The following IQCH variants were observed in gnomAD, a reference collection of about 807,000 sequenced individuals.
IQCH encodes IQ domain-containing protein H.
In IQCH, 98 loss-of-function variants were observed where a neutral mutation model predicts 117.0. The observed-to-expected ratio is 0.84, with a 90% CI of 0.71 to 0.99. The LOEUF (loss-of-function observed/expected upper bound fraction) is 0.99, where lower values mean the gene tolerates loss of function less well. Among genes scored for constraint, IQCH ranks in the 50% least tolerant of loss-of-function variants. IQCH has a pLI of 0.00. For synonymous variants in IQCH, 412 were observed against 448.2 expected, an observed-to-expected ratio of 0.92 and a Z score of 1.02; for missense variants, 1,102 against 1,243.8, an observed-to-expected ratio of 0.89 and a Z score of 1.72.
chr15:67,311,514 T>A (rs1165813609), intron 4 of IQCH, among the ~76,000 whole-genome samples: 2 of 149,498 alleles, frequency 1.3e-5, no homozygotes, highest in East Asian at 3.9e-4. Flanking sequence ...GTTTCCAGTG[T>A]TGGTTTATAT....
intron 4 of IQCH, among the ~76,000 whole-genome samples, chr15:67,298,018 G>A (rs1966867798): frequency 6.6e-6 from 1 of 151,962 alleles, no homozygotes. Flanking sequence ...TTTTAAAATG[G>A]GCAAAAGAGG....
intron 4 of IQCH, among the ~76,000 whole-genome samples, chr15:67,326,074 G>A (rs1429604265): frequency 1.3e-5 from 2 of 152,068 alleles, no homozygotes; most frequent in African/African-American, 2.4e-5. Context: ...CCATTAACTC[G>A]TCATTTACAT....
In IQCH at chr15:67,364,115, T is replaced by A. The variant is rs1970248244; in HGVS notation, c.753+4230T>A. ...GTCGAGTGGTAATTCTGTTTTAAGTTCTTTGAGAAGTCACTAAACTGCTTT... is the reference window on the plus strand; with the variant it reads ...GTCGAGTGGTAATTCTGTTTTAAGTACTTTGAGAAGTCACTAAACTGCTTT... On this transcript the variant is annotated intron_variant, in intron 8 of 20. Transcript: ENST00000335894. This position sits in a 1 kb window ranked among gnomAD's most constrained non-coding sequence, Gnocchi z 4.1. Among the ~76,000 whole-genome samples, 1 of 152,228 alleles carries A rather than the reference T, an allele frequency of 6.6e-6. No individual in the cohort carries two copies. Among genetic ancestry groups the A allele is most frequent in the Non-Finnish European group, 1.5e-5 (1 of 68,032 alleles).
chr15:67,486,363 T>C (rs1444601736), intron 18 of IQCH, among the ~76,000 whole-genome samples: 2 of 151,990 alleles, frequency 1.3e-5, no homozygotes, highest in Non-Finnish European at 2.9e-5. Context: ...CTATGAAAGC[T>C]AGAAGACAAT....
intron 16 of IQCH, among the ~76,000 whole-genome samples, chr15:67,446,096 T>C (rs1398396807): frequency 2.0e-5 from 3 of 152,196 alleles, no homozygotes; most frequent in Non-Finnish European, 4.4e-5. Flanking sequence ...CTCAAAGAAA[T>C]GGCACTGTGA....
intron 14 of IQCH, among the ~76,000 whole-genome samples, chr15:67,409,513 C>T (rs1596323725): frequency 6.6e-6 from 1 of 152,148 alleles, no homozygotes; most frequent in Non-Finnish European, 1.5e-5. Context: ...AAACGCTTCT[C>T]GAGTCAAATC....
chr15:67,386,567 T>C lies in IQCH; in HGVS notation c.1456+1548T>C, dbSNP rs1343225240. On this transcript the variant is annotated intron_variant, in intron 11 of 20. Transcript: ENST00000335894. This position sits in a 1 kb window ranked among gnomAD's most constrained non-coding sequence, Gnocchi z 5.0. ...GAAAATAGAAAAATAAGTAATAATT[T>C]TATGGAAGAATACATTATTATCCCC... 6.6e-6 allele frequency among the ~76,000 whole-genome samples: 1 copy of C among 152,178 alleles called. No homozygotes were observed. Among genetic ancestry groups the C allele is most frequent in the African/African-American group, 2.4e-5 (1 of 41,458 alleles).
intron 3 of IQCH, among the ~76,000 whole-genome samples, chr15:67,267,216 A>G (rs1355105143): frequency 6.6e-6 from 1 of 152,200 alleles, no homozygotes; most frequent in Non-Finnish European, 1.5e-5. Flanking sequence ...AGAAGTTCTT[A>G]TACTTTCCTC....
chr15:67,461,559 G>C (rs1303888372), intron 16 of IQCH, among the ~76,000 whole-genome samples: 3 of 152,236 alleles, frequency 2.0e-5, no homozygotes, highest in Non-Finnish European at 4.4e-5. Context: ...ATGGAGAACA[G>C]AACAATTATC....
chr15:67,495,838 C>T (rs905120025), intron 20 of IQCH, among the ~76,000 whole-genome samples: 1 of 152,120 alleles, frequency 6.6e-6, no homozygotes, highest in East Asian at 1.9e-4. Context: ...TTGATTTTTA[C>T]TCATGTTAGG....
chr15:67,278,608 T>A (rs1966224921), intron 3 of IQCH, among the ~76,000 whole-genome samples: 1 of 152,204 alleles, frequency 6.6e-6, no homozygotes, highest in Admixed American at 6.5e-5. Context: ...TTCATTTAGC[T>A]TTTTTCTTGT....
At chr15:67,361,289 ACT>A (rs749035872) in intron 8 of IQCH, among the ~76,000 whole-genome samples, 25 of 152,210 alleles carry the variant, frequency 1.6e-4, no homozygotes, top group South Asian at 2.1e-4. Flanking sequence ...GCTAACATAT[ACT>A]GAGTGCTTAC....
chr15:67,254,975 C>G (rs906877522), intron 1 of IQCH, 28 bp downstream of exon 1: 8 of 1,603,894 alleles, frequency 5.0e-6, no homozygotes, highest in Non-Finnish European at 6.8e-6. Flanking sequence ...CCCGGCCCTG[C>G]CCTGCCCAGC....
chr15:67,495,247 G>A (rs906436323), intron 20 of IQCH, among the ~76,000 whole-genome samples: 4 of 151,990 alleles, frequency 2.6e-5, no homozygotes, highest in Admixed American at 1.3e-4. Context: ...TTTATGAGCT[G>A]GAAGAATGAC....
chr15:67,371,490 A>G, intron 8 of IQCH: 1 of 1,590,966 alleles, frequency 6.3e-7, no homozygotes, highest in African/African-American at 1.4e-5. Context: ...ACCAGACTTA[A>G]GAATAAAAGA....
chr15:67,388,977 AT>A lies in IQCH; in HGVS notation c.1604del (p.Ile535ThrfsTer6), dbSNP rs1567148190. 1 of 1,613,948 alleles carries A rather than the reference AT, an allele frequency of 6.2e-7. No individual in the cohort carries two copies. The highest frequency in any genetic ancestry group is 2.2e-5 in the East Asian group (1 of 44,864). On this transcript the variant is annotated frameshift_variant, in exon 12 of 21. Coordinates refer to ENST00000335894, the MANE Select transcript of IQCH (RefSeq NM_001031715.3). LOFTEE classifies it high-confidence loss of function. The surrounding 1 kb of genome is among the most constrained non-coding windows in gnomAD (Gnocchi z 5.5). ...RSDLQDRFKI[I>X]TPEAVNIFPK... Reference sequence around the variant, plus strand: ...TGACCTGCAGGACAGGTTCAAAATTATCACACCTGAAGCTGTAAACATCTTC... The same window carrying A: ...TGACCTGCAGGACAGGTTCAAAATTACACACCTGAAGCTGTAAACATCTTC...
rs1349367596 is a variant in IQCH at position 67,475,589 on chromosome 15, T to C, written c.2677-107T>C. The C allele has an allele frequency of 1.1e-6, 1 of 925,552 alleles. No individual in the cohort carries two copies. The highest frequency in any genetic ancestry group is 1.7e-6 in the Non-Finnish European group (1 of 604,154). The allele number at this position is 925,552 out of a possible 1,614,324, so 57.3% of individuals were successfully genotyped here. Reference sequence around the variant, plus strand: ...ATAGGAGAACTGGGTGTGGGGGATATAGGAACTCTCAGAATTATCTTCGCA... The same window carrying C: ...ATAGGAGAACTGGGTGTGGGGGATACAGGAACTCTCAGAATTATCTTCGCA... On this transcript the variant is annotated intron_variant, in intron 17 of 20. Coordinates refer to ENST00000335894, the MANE Select transcript of IQCH (RefSeq NM_001031715.3). This position sits in a 1 kb window ranked among gnomAD's most constrained non-coding sequence, Gnocchi z 5.7.
At chr15:67,389,144 T>A (rs1010132411) in intron 12 of IQCH, 138 bp downstream of exon 12, 2 of 671,156 alleles carry the variant, frequency 3.0e-6, no homozygotes, top group Admixed American at 5.7e-5. Context: ...AGACTACTAG[T>A]TGGTCTGTAG....
intron 10 of IQCH, among the ~76,000 whole-genome samples, chr15:67,383,300 A>T (rs573891737): frequency 6.6e-6 from 1 of 152,204 alleles, no homozygotes; most frequent in African/African-American, 2.4e-5. Context: ...GACATTTTAT[A>T]TGCATTCTTG....
Sources: allele counts gnomAD v4.1 joint callset (sites outside exome capture counted in the v4.1 genomes callset), GRCh38; gene constraint gnomAD v4.1.1; non-coding constraint Gnocchi (gnomAD v3.1); transcripts MANE v1.5; gene names NCBI Gene and HGNC (gene_info 2026-07-23, HGNC 2026-07-21).